PPP2R2B: variants seen among roughly 807,000 people sequenced by gnomAD.
The protein encoded by PPP2R2B is protein phosphatase 2 regulatory subunit Bbeta, also known as serine/threonine-protein phosphatase 2A 55 kDa regulatory subunit B beta isoform.
PPP2R2B carries 5 observed loss-of-function variants against 46.0 expected under a neutral mutation model. The observed-to-expected ratio is 0.11, with a 90% CI of 0.06 to 0.23. The LOEUF (loss-of-function observed/expected upper bound fraction) is 0.23. PPP2R2B is among the 10% of genes least tolerant of loss of function. PPP2R2B has a pLI of 1.00. For synonymous variants in PPP2R2B, 215 were observed against 206.7 expected, an observed-to-expected ratio of 1.04 and a Z score of -0.34; for missense variants, 367 against 575.0, an observed-to-expected ratio of 0.64 and a Z score of 3.70.
chr5:146,834,497 C>A (rs1759154523), intron 2 of PPP2R2B, among the ~76,000 whole-genome samples: 1 of 152,242 alleles, frequency 6.6e-6, no homozygotes, highest in Non-Finnish European at 1.5e-5. Context: ...ACTCATCTAG[C>A]ACCTTTGTCA....
chr5:146,800,825 A>G (rs915123164), intron 2 of PPP2R2B, among the ~76,000 whole-genome samples: 1 of 152,104 alleles, frequency 6.6e-6, no homozygotes, highest in African/African-American at 2.4e-5. Context: ...TCTCATGCTC[A>G]TTGCAACACC....
At chr5:146,802,756 T>C (rs1756939324) in intron 2 of PPP2R2B, among the ~76,000 whole-genome samples, 1 of 152,136 alleles carries the variant, frequency 6.6e-6, no homozygotes, top group Admixed American at 6.5e-5. Flanking sequence ...ATGGGATAAG[T>C]ATATAGTGAG....
chr5:146,687,465 A>C (rs1778579043), intron 5 of PPP2R2B, among the ~76,000 whole-genome samples: 1 of 152,006 alleles, frequency 6.6e-6, no homozygotes, highest in African/African-American at 2.4e-5. Context: ...AGCGTGGTGC[A>C]TGGTATATGG....
chr5:146,617,303 C>T (rs1287536440), intron 7 of PPP2R2B, among the ~76,000 whole-genome samples: 1 of 151,994 alleles, frequency 6.6e-6, no homozygotes, highest in Non-Finnish European at 1.5e-5. Context: ...TGTGATAGCA[C>T]AACAGGGTGA....
At chr5:147,043,870 C>T (rs915103077) in intron 1 of PPP2R2B, among the ~76,000 whole-genome samples, 2 of 152,124 alleles carry the variant, frequency 1.3e-5, no homozygotes, top group Non-Finnish European at 2.9e-5. Flanking sequence ...TTCCCTACAT[C>T]TCAGAAGCGG....
chr5:146,840,213 T>C (rs1337014309), intron 2 of PPP2R2B, among the ~76,000 whole-genome samples: 2 of 152,134 alleles, frequency 1.3e-5, no homozygotes, highest in East Asian at 1.9e-4. Context: ...TGCTGCCTGA[T>C]TGAGTTCCCT....
At chr5:146,979,221 C>T (rs889005805) in intron 1 of PPP2R2B, among the ~76,000 whole-genome samples, 2 of 152,144 alleles carry the variant, frequency 1.3e-5, no homozygotes, top group African/African-American at 4.8e-5. Flanking sequence ...TTTTTACCTT[C>T]TTAATGTTTT....
At chr5:147,042,757 G>A (rs1251332117) in intron 1 of PPP2R2B, among the ~76,000 whole-genome samples, 1 of 152,150 alleles carries the variant, frequency 6.6e-6, no homozygotes, top group Non-Finnish European at 1.5e-5. Context: ...GTGAGATGAA[G>A]GGTGAGTGAT....
chr5:146,682,718 A>C (rs981662849), intron 5 of PPP2R2B, among the ~76,000 whole-genome samples: 4 of 152,234 alleles, frequency 2.6e-5, no homozygotes, highest in African/African-American at 4.8e-5. Flanking sequence ...GCACACTGGC[A>C]ACTAAGTAGG....
chr5:146,969,541 G>A (rs770010067), intron 1 of PPP2R2B, among the ~76,000 whole-genome samples: 1 of 152,198 alleles, frequency 6.6e-6, no homozygotes, highest in Non-Finnish European at 1.5e-5. Context: ...TCCGCCTGTG[G>A]TATAGGAAAG....
chr5:147,038,730 C>A (rs1295324955), intron 1 of PPP2R2B, among the ~76,000 whole-genome samples: 1 of 152,120 alleles, frequency 6.6e-6, no homozygotes, highest in Non-Finnish European at 1.5e-5. Context: ...TTATTATCTT[C>A]TTTTTATGGC....
chr5:146,933,569 A>G (rs1764036793), intron 1 of PPP2R2B, among the ~76,000 whole-genome samples: 1 of 152,134 alleles, frequency 6.6e-6, no homozygotes, highest in Admixed American at 6.5e-5. Flanking sequence ...TTTATTCTGA[A>G]ATTTCTACTT....
At chr5:146,965,514 GT>G (rs1176581635) in intron 1 of PPP2R2B, among the ~76,000 whole-genome samples, 1 of 152,096 alleles carries the variant, frequency 6.6e-6, no homozygotes, top group African/African-American at 2.4e-5. Context: ...AATAATGACA[GT>G]GTGCCCTCCA....
intron 1 of PPP2R2B, among the ~76,000 whole-genome samples, chr5:147,019,838 C>T (rs965528404): frequency 7.9e-5 from 12 of 152,122 alleles, no homozygotes; most frequent in Admixed American, 1.3e-4. Flanking sequence ...TCTCAGCCTC[C>T]GAGGCTAGAT....
At chr5:146,848,182 T>A (rs1359089749) in intron 2 of PPP2R2B, among the ~76,000 whole-genome samples, 1 of 152,186 alleles carries the variant, frequency 6.6e-6, no homozygotes, top group Non-Finnish European at 1.5e-5. Flanking sequence ...AAAAATAGAT[T>A]TAGATTGACA....
chr5:146,902,801 C>T (rs538083), intron 1 of PPP2R2B, among the ~76,000 whole-genome samples: 70,197 of 152,032 alleles, frequency 0.46, 17,473 homozygotes, highest in East Asian at 0.7. Flanking sequence ...CAGAGCACAC[C>T]TCTTCTCTAC....
chr5:146,857,038 G>A (rs1760714784), intron 2 of PPP2R2B, among the ~76,000 whole-genome samples: 1 of 152,166 alleles, frequency 6.6e-6, no homozygotes, highest in Non-Finnish European at 1.5e-5. Context: ...TTTTGAAGAG[G>A]CTGTAGTGAT....
At chr5:146,719,424 C>T (rs1040326425) in intron 2 of PPP2R2B, among the ~76,000 whole-genome samples, 1 of 152,148 alleles carries the variant, frequency 6.6e-6, no homozygotes, top group Non-Finnish European at 1.5e-5. Flanking sequence ...AAGTGATGTG[C>T]CTTTGGGCAA....
chr5:146,758,386 T>C (rs2151248455), intron 2 of PPP2R2B, among the ~76,000 whole-genome samples: 1 of 152,284 alleles, frequency 6.6e-6, no homozygotes, highest in East Asian at 1.9e-4. Flanking sequence ...GGCTAAAAGT[T>C]ACCAACATTA....
Sources: gnomAD v4.1 joint callset for allele counts (sites outside exome capture counted in the v4.1 genomes callset) on GRCh38, gnomAD v4.1.1 for gene constraint, MANE v1.5 for transcripts, NCBI Gene and HGNC (gene_info 2026-07-23, HGNC 2026-07-21) for gene names.